Variants in MYT1L observed in about 807,000 individuals in gnomAD.
The protein encoded by MYT1L is myelin transcription factor 1-like protein.
A neutral mutation model predicts 126.7 loss-of-function variants in MYT1L; 12 were observed. The observed-to-expected ratio is 0.09, with a 90% confidence interval of 0.06 to 0.15. The LOEUF is 0.15. Ranked by LOEUF, MYT1L falls within the 10% of genes least tolerant of loss-of-function variation. The pLI, the probability that MYT1L is intolerant of heterozygous loss-of-function variation, is 1.00. For missense variants in MYT1L, 979 were observed against 1,585.2 expected, an observed-to-expected ratio of 0.62 and a Z score of 6.49; for synonymous variants, 541 against 604.2, an observed-to-expected ratio of 0.90 and a Z score of 1.53.
At position 1,910,658 on chromosome 2, in the gene MYT1L, T is replaced by C. The variant is rs2051834789; in HGVS notation, c.1710-311A>G. Among the ~76,000 whole-genome samples, 1 of 152,168 alleles carries C rather than the reference T, an allele frequency of 6.6e-6. No homozygotes were observed. The highest frequency in any genetic ancestry group is 2.1e-4 in the South Asian group (1 of 4,830). On this transcript the variant is annotated intron_variant, in intron 12 of 24. Coordinates refer to ENST00000647738, the MANE Select transcript of MYT1L (RefSeq NM_001303052.2). This position sits in a 1 kb window ranked among gnomAD's most constrained non-coding sequence, Gnocchi z 4.8. Reference sequence around the variant, plus strand: ...GGGAGGACATAGCTGGTGAAAACTGTAGACAGATTCCATTTCTGGAGATGA... The same window carrying C: ...GGGAGGACATAGCTGGTGAAAACTGCAGACAGATTCCATTTCTGGAGATGA...
chr2:1,926,830 A>G (rs2054293684), intron 9 of MYT1L, among the ~76,000 whole-genome samples: 1 of 152,186 alleles, frequency 6.6e-6, no homozygotes, highest in Non-Finnish European at 1.5e-5. Flanking sequence ...TGAGCCACTG[A>G]GCCTGGCCTC....
intron 18 of MYT1L, among the ~76,000 whole-genome samples, chr2:1,853,766 T>G (rs2043570456): frequency 6.6e-6 from 1 of 152,216 alleles, no homozygotes; most frequent in South Asian, 2.1e-4. Flanking sequence ...TGGCTAAACA[T>G]TTTTGAGATG....
At chr2:2,051,967 G>C (rs6736326) in intron 4 of MYT1L, among the ~76,000 whole-genome samples, 3,490 of 151,882 alleles carry the variant, frequency 0.023, 128 homozygotes, top group African/African-American at 0.077. Context: ...ATTCGTAAAT[G>C]TTAAGAGATC....
At chr2:1,858,463 T>C (rs1355272533) in intron 18 of MYT1L, among the ~76,000 whole-genome samples, 1 of 152,310 alleles carries the variant, frequency 6.6e-6, no homozygotes, top group East Asian at 1.9e-4. Context: ...ATTTTAAAAA[T>C]ACGCTATAAC....
intron 3 of MYT1L, among the ~76,000 whole-genome samples, chr2:2,126,136 G>A (rs952416567): frequency 1.3e-5 from 2 of 152,168 alleles, no homozygotes; most frequent in Non-Finnish European, 2.9e-5. Flanking sequence ...TGTTCCACCA[G>A]CTTCAGGGTC....
chr2:2,319,545 G>A, intron 1 of MYT1L, among the ~76,000 whole-genome samples: 1 of 152,128 alleles, frequency 6.6e-6, no homozygotes, highest in East Asian at 1.9e-4. Flanking sequence ...ACGTGCCGTT[G>A]AATAGAGAAT....
chr2:2,209,481 T>C (rs1272345226), intron 2 of MYT1L, among the ~76,000 whole-genome samples: 1 of 152,174 alleles, frequency 6.6e-6, no homozygotes, highest in East Asian at 1.9e-4. Context: ...TTTCCACAAG[T>C]ATGTGAGAAC....
intron 2 of MYT1L, among the ~76,000 whole-genome samples, chr2:2,265,751 A>G (rs2095111368): frequency 6.6e-6 from 1 of 152,228 alleles, no homozygotes; most frequent in African/African-American, 2.4e-5. Flanking sequence ...TCAATAATCC[A>G]AATACATGAA....
chr2:2,161,237 C>T (rs946114890), intron 3 of MYT1L, among the ~76,000 whole-genome samples: 1 of 152,054 alleles, frequency 6.6e-6, no homozygotes, highest in African/African-American at 2.4e-5. Context: ...AAAACAAAAA[C>T]CAAACTGTAT....
intron 9 of MYT1L, among the ~76,000 whole-genome samples, chr2:1,939,457 G>A (rs938842617): frequency 1.3e-5 from 2 of 152,198 alleles, no homozygotes; most frequent in Non-Finnish European, 2.9e-5. Context: ...GACGTCTCTG[G>A]TAGGCACCGT....
At chr2:2,190,258 A>G (rs950431367) in intron 2 of MYT1L, among the ~76,000 whole-genome samples, 30 of 152,206 alleles carry the variant, frequency 2.0e-4, no homozygotes, top group African/African-American at 6.7e-4. Flanking sequence ...GGGATTTGAG[A>G]CCAGCCAGGG....
chr2:2,103,009 C>T (rs376484771), intron 3 of MYT1L, among the ~76,000 whole-genome samples: 2 of 151,946 alleles, frequency 1.3e-5, no homozygotes, highest in East Asian at 1.9e-4. Flanking sequence ...ACACAGCATG[C>T]GTGTATTTAG....
chr2:1,849,107 A>G (rs1447245780), intron 19 of MYT1L, among the ~76,000 whole-genome samples: 1 of 152,084 alleles, frequency 6.6e-6, no homozygotes. Flanking sequence ...AATGAATAAA[A>G]TGTTTAACCC....
chr2:1,809,699 T>C (rs2036281168), intron 21 of MYT1L: 1 of 152,966 alleles, frequency 6.5e-6, no homozygotes. Flanking sequence ...AAAACATAAC[T>C]GCAATCTCCT....
At chr2:1,923,504 T>C (rs1245698819) in intron 9 of MYT1L, among the ~76,000 whole-genome samples, 1 of 152,238 alleles carries the variant, frequency 6.6e-6, no homozygotes, top group Non-Finnish European at 1.5e-5. Flanking sequence ...CTTTAATGGA[T>C]CTTAAGATAA....
intron 18 of MYT1L, among the ~76,000 whole-genome samples, chr2:1,854,119 A>T (rs1437472480): frequency 6.6e-6 from 1 of 152,070 alleles, no homozygotes; most frequent in Non-Finnish European, 1.5e-5. Flanking sequence ...GATTAATAAA[A>T]TTTGGGAGGG....
chr2:2,277,789 T>C (rs1274249242), intron 2 of MYT1L, among the ~76,000 whole-genome samples: 1 of 151,796 alleles, frequency 6.6e-6, no homozygotes, highest in Non-Finnish European at 1.5e-5. Flanking sequence ...TGCAACAGAA[T>C]AAAAAAGAAA....
intron 1 of MYT1L, among the ~76,000 whole-genome samples, chr2:2,328,650 C>T (rs2096266378): frequency 6.6e-6 from 1 of 152,148 alleles, no homozygotes; most frequent in African/African-American, 2.4e-5. Context: ...ACTGTGACAC[C>T]AGATAGTCCT....
intron 18 of MYT1L, among the ~76,000 whole-genome samples, chr2:1,882,694 A>G (rs2148805915): frequency 6.6e-6 from 1 of 152,304 alleles, no homozygotes; most frequent in East Asian, 1.9e-4. Context: ...TGAGCAGTCA[A>G]AGCGGATGAC....
Sources: gnomAD v4.1 joint callset for allele counts (sites outside exome capture counted in the v4.1 genomes callset) on GRCh38, gnomAD v4.1.1 for gene constraint, Gnocchi (gnomAD v3.1) non-coding constraint, MANE v1.5 for transcripts, NCBI Gene and HGNC (gene_info 2026-07-23, HGNC 2026-07-21) for gene names.